The following NUS1 variants were observed in gnomAD, a reference collection of about 807,000 sequenced individuals.
The protein encoded by NUS1 is dehydrodolichyl diphosphate synthase complex subunit NUS1.
For missense variants in NUS1, 292 were observed against 382.9 expected (o/e 0.76, Z 1.98); for synonymous variants, 135 against 155.2 (o/e 0.87, Z 0.97).
At chr6:117,689,678 C>T (rs772441639) in intron 1 of NUS1, among the ~76,000 whole-genome samples, 18 of 152,034 alleles carry the variant, frequency 1.2e-4, no homozygotes, top group Admixed American at 6.6e-5. Context: ...CCTCCCACCT[C>T]GGCCTCCTGA....
At chr6:117,688,851 A>C (rs1773177313) in intron 1 of NUS1, among the ~76,000 whole-genome samples, 2 of 152,160 alleles carry the variant, frequency 1.3e-5, no homozygotes, top group Non-Finnish European at 2.9e-5. Flanking sequence ...ATTGTTATTC[A>C]TTATCTTAAT....
At position 117,694,951 on chromosome 6, in the gene NUS1, T is replaced by G. The variant is rs1451994740; in HGVS notation, c.691+771T>G. On this transcript the variant is annotated intron_variant, in intron 3 of 4. Coordinates refer to ENST00000368494, the MANE Select transcript of NUS1 (RefSeq NM_138459.5). ...GGCTCACACTTGTAATCCCAGCACT[T>G]TGGGAGGCTGAGGCAGGTGGATCGC... is the stretch of plus-strand genomic sequence containing the variant. Among the ~76,000 whole-genome samples the G allele has an allele frequency of 2.0e-5, 3 of 152,106 alleles. No individual in the cohort carries two copies. The East Asian group carries it at 5.8e-4, about 29-fold the overall frequency.
intron 3 of NUS1, among the ~76,000 whole-genome samples, chr6:117,701,524 G>A (rs903602042): frequency 3.3e-5 from 5 of 152,114 alleles, no homozygotes; most frequent in Non-Finnish European, 5.9e-5. Flanking sequence ...GATTACAGGC[G>A]TGAGCCACCA....
At chr6:117,695,501 A>G (rs1361914420) in intron 3 of NUS1, among the ~76,000 whole-genome samples, 12 of 152,154 alleles carry the variant, frequency 7.9e-5, no homozygotes, top group Non-Finnish European at 1.8e-4. Context: ...TAAGAGAGTA[A>G]TTTCATAAGG....
At chr6:117,677,710 G>C (rs945530017) in intron 1 of NUS1, among the ~76,000 whole-genome samples, 3 of 152,162 alleles carry the variant, frequency 2.0e-5, no homozygotes. Flanking sequence ...ATCACCAAAT[G>C]ATGATTTGCC....
chr6:117,695,243 TCTTAA>T (rs1053416123), intron 3 of NUS1, among the ~76,000 whole-genome samples: 8 of 149,404 alleles, frequency 5.4e-5, no homozygotes, highest in South Asian at 2.1e-4. Context: ...GCATTTTCTA[TCTTAA>T]CTTATTTACT....
chr6:117,693,132 C>G lies in NUS1; in HGVS notation c.506C>G (p.Pro169Arg), dbSNP rs150646335. Reference sequence around the variant, plus strand: ...GGCCTAGATTGTTCAAAATACTCACCAGAATTTGCAAATAGTAATGACAAA... The same window carrying G: ...GGCCTAGATTGTTCAAAATACTCACGAGAATTTGCAAATAGTAATGACAAA... ...LLGLDCSKYS[P>R]EFANSNDKDD... Residue 169 changes from proline (P) to arginine (R), a missense_variant, in exon 2 of 5, where the codon CCA (proline) becomes CGA (arginine). Physicochemically the swap from Pro to Arg is moderately radical, Grantham distance 103. Transcript: ENST00000368494. 1.6e-3 allele frequency: 2,580 copies of G among 1,612,386 alleles called. 7 individuals carry two copies. Among genetic ancestry groups the G allele is most frequent in the Non-Finnish European group, 1.9e-3 (2,275 of 1,178,922 alleles).
chr6:117,699,799 A>AT (rs1773379179), intron 3 of NUS1, among the ~76,000 whole-genome samples: 1 of 152,194 alleles, frequency 6.6e-6, no homozygotes, highest in African/African-American at 2.4e-5. Context: ...TGGTACTGGC[A>AT]TAAAAACAGA....
At position 117,693,164 on chromosome 6, in the gene NUS1, C is replaced by G. The variant is rs751210637; in HGVS notation, c.538C>G (p.Gln180Glu). The G allele has an allele frequency of 8.1e-6, 13 of 1,611,964 alleles. No homozygotes were observed. The highest frequency in any genetic ancestry group is 1.1e-5 in the Non-Finnish European group (13 of 1,178,812). The change falls in exon 2 of 5, where the codon CAA becomes GAA. Residue 180 changes from glutamine to glutamate, a missense_variant. Transcript: ENST00000368494. ...EFANSNDKDD[Q>E]VLNCHLAVKV... is the part of the protein sequence containing the mutation. ...TGCAAATAGTAATGACAAAGATGAT[C>G]AAGGTAAGCATGAGTGTATAATTGA...
At chr6:117,695,258 T>C (rs1199990297) in intron 3 of NUS1, among the ~76,000 whole-genome samples, 1 of 151,414 alleles carries the variant, frequency 6.6e-6, no homozygotes, top group African/African-American at 2.4e-5. Context: ...ACTTATTTAC[T>C]TAACTCTCCA....
chr6:117,708,997 A>G lies in NUS1; in HGVS notation c.*1982A>G, dbSNP rs1040001907. The G allele has an allele frequency of 1.3e-5, 2 of 152,168 alleles. No individual in the cohort carries two copies. The highest frequency in any genetic ancestry group is 2.9e-5 in the Non-Finnish European group (2 of 67,994). 9.4% of individuals were successfully genotyped at this position (152,168 alleles called of 1,614,324 possible). ...TTATTTTCTCCTTCCATTCATAAGTATATACTTGAAAGTACATCTGTAGCC... is the reference window on the plus strand; with the variant it reads ...TTATTTTCTCCTTCCATTCATAAGTGTATACTTGAAAGTACATCTGTAGCC... On this transcript the variant is annotated 3_prime_UTR_variant, in exon 5 of 5. Coordinates refer to ENST00000368494, the MANE Select transcript of NUS1 (RefSeq NM_138459.5).
At chr6:117,702,598 T>A (rs1244305942) in intron 3 of NUS1, among the ~76,000 whole-genome samples, 2 of 152,318 alleles carry the variant, frequency 1.3e-5, no homozygotes, top group East Asian at 3.9e-4. Flanking sequence ...TACATCACTA[T>A]TGGTTTGGAG....
intron 1 of NUS1, among the ~76,000 whole-genome samples, chr6:117,678,610 G>C (rs982293328): frequency 6.6e-6 from 1 of 151,768 alleles, no homozygotes; most frequent in African/African-American, 2.4e-5. Context: ...TAGGCCATGT[G>C]GATATGTAAG....
At chr6:117,678,311 T>C (rs1228351026) in intron 1 of NUS1, among the ~76,000 whole-genome samples, 4 of 152,168 alleles carry the variant, frequency 2.6e-5, no homozygotes, top group African/African-American at 9.7e-5. Flanking sequence ...ATTAGTCCAT[T>C]CTTGGTTTTG....
intron 4 of NUS1, among the ~76,000 whole-genome samples, 160 bp from the exon 5 acceptor site, chr6:117,706,765 A>G (rs1773506898): frequency 6.6e-6 from 1 of 152,012 alleles, no homozygotes; most frequent in South Asian, 2.1e-4. Flanking sequence ...CAGTCTACAT[A>G]TTATGATTAA....
At chr6:117,705,397 C>G (rs1773485148) in intron 4 of NUS1, among the ~76,000 whole-genome samples, 1 of 152,154 alleles carries the variant, frequency 6.6e-6, no homozygotes, top group Non-Finnish European at 1.5e-5. Context: ...TTGACTTTGG[C>G]AAGTTATTTA....
intron 3 of NUS1, among the ~76,000 whole-genome samples, chr6:117,703,258 G>A (rs1446210201): frequency 1.3e-5 from 2 of 152,172 alleles, no homozygotes; most frequent in African/African-American, 4.8e-5. Context: ...AACTTTCCCA[G>A]GATTCCAAGA....
chr6:117,706,147 T>A (rs1773497645), intron 4 of NUS1, among the ~76,000 whole-genome samples: 1 of 152,222 alleles, frequency 6.6e-6, no homozygotes, highest in Non-Finnish European at 1.5e-5. Flanking sequence ...TATTTAAAAT[T>A]AATAGTTACT....
intron 1 of NUS1, among the ~76,000 whole-genome samples, chr6:117,690,482 T>G (rs187433215): frequency 6.6e-6 from 1 of 152,332 alleles, no homozygotes; most frequent in Non-Finnish European, 1.5e-5. Flanking sequence ...ATTTATTGTT[T>G]GCTCTGTGCC....
Sources: allele counts gnomAD v4.1 joint callset (sites outside exome capture counted in the v4.1 genomes callset), GRCh38; gene constraint gnomAD v4.1.1; transcripts MANE v1.5; gene names NCBI Gene and HGNC (gene_info 2026-07-23, HGNC 2026-07-21).